Variants in ITPR3 observed in about 807,000 individuals in gnomAD.
The protein encoded by ITPR3 is inositol 1,4,5-trisphosphate-gated calcium channel ITPR3.
ITPR3 carries 173 observed loss-of-function variants against 293.2 expected under a neutral mutation model. That is an observed-to-expected ratio of 0.59 (90% CI 0.52 to 0.67). The LOEUF (loss-of-function observed/expected upper bound fraction) is 0.67. ITPR3 is among the 30% of genes least tolerant of loss of function. The pLI is 0.00. For synonymous variants in ITPR3, 1,295 were observed against 1,444.4 expected, an observed-to-expected ratio of 0.90 and a Z score of 2.35; for missense variants, 2,796 against 3,592.1, an observed-to-expected ratio of 0.78 and a Z score of 5.66.
chr6:33,663,136 A>G lies in ITPR3; in HGVS notation c.954+130A>G, dbSNP rs908819666. ...GACCCTGACTTCTCTGCACTCATGCATTTATCCAATATTATCAAATAAAGG... is the reference window on the plus strand; with the variant it reads ...GACCCTGACTTCTCTGCACTCATGCGTTTATCCAATATTATCAAATAAAGG... On this transcript the variant is annotated intron_variant, in intron 9 of 57. Coordinates refer to ENST00000605930, the MANE Select transcript of ITPR3 (RefSeq NM_002224.4). The G allele has an allele frequency of 7.3e-5, 52 of 713,362 alleles. No homozygotes were observed. In the Middle Eastern group the frequency reaches 1.4e-3, roughly 19 times the overall value. 44.2% of individuals were successfully genotyped at this position (713,362 alleles called of 1,614,324 possible).
chr6:33,668,871 TC>T (rs1049347862), intron 17 of ITPR3, 102 bp from the exon 18 acceptor site: 5 of 1,291,502 alleles, frequency 3.9e-6, no homozygotes, highest in Admixed American at 2.1e-5. Context: ...TCTCTCTGGG[TC>T]CCCGTGGTGG....
chr6:33,691,647 G>GC lies in ITPR3; in HGVS notation c.7259dup (p.Phe2421IlefsTer20). ...CCTGGGGATGCCACATGGAGCTGCT[G>GC]CATTTGTGGACACCTGCAGTGGGGA... is the stretch of plus-strand genomic sequence containing the variant. On this transcript the variant is annotated frameshift_variant, in exon 53 of 58. Coordinates refer to ENST00000605930, the MANE Select transcript of ITPR3 (RefSeq NM_002224.4). LOFTEE classifies it high-confidence loss of function. The surrounding 1 kb of genome is among the most constrained non-coding windows in gnomAD (Gnocchi z 4.9). 6.2e-7 allele frequency: 1 copy of GC among 1,614,056 alleles called. No individual in the cohort carries two copies.
chr6:33,668,433 G>A (rs1764670689), intron 16 of ITPR3, 82 bp from the exon 17 acceptor site: 1 of 1,577,016 alleles, frequency 6.3e-7, no homozygotes, highest in Non-Finnish European at 8.7e-7. Flanking sequence ...GCTGCCAGCT[G>A]GGGAAGGGGA....
chr6:33,626,850 G>A (rs1763559931), intron 1 of ITPR3, among the ~76,000 whole-genome samples: 1 of 152,136 alleles, frequency 6.6e-6, no homozygotes, highest in Admixed American at 6.5e-5. Flanking sequence ...TTGTTTTCCA[G>A]GCTGGAGTAC....
At chr6:33,668,856 T>C in intron 17 of ITPR3, 118 bp from the exon 18 acceptor site, 4 of 1,215,398 alleles carry the variant, frequency 3.3e-6, no homozygotes, top group Non-Finnish European at 4.6e-6. Context: ...TTGAGATGCA[T>C]ATGGTCTCTC....
In ITPR3 at chr6:33,654,151, C is replaced by T. The variant is rs909337726; in HGVS notation, c.161-1615C>T. ...GGCATGGTGGTGCATGCCTGTAATC[C>T]CAGCTACTTGGGAGGCTGAGACAGG... On this transcript the variant is annotated intron_variant, in intron 2 of 57. Transcript: ENST00000605930. This position sits in a 1 kb window ranked among gnomAD's most constrained non-coding sequence, Gnocchi z 4.1. Among the ~76,000 whole-genome samples the T allele has an allele frequency of 1.3e-5, 2 of 152,066 alleles. No individual in the cohort carries two copies. Among genetic ancestry groups the T allele is most frequent in the Non-Finnish European group, 2.9e-5 (2 of 68,014 alleles).
At position 33,665,840 on chromosome 6, in the gene ITPR3, T is replaced by C. The variant is rs1166368894; in HGVS notation, c.1415T>C (p.Val472Ala). Residue 472 changes from valine to alanine, a missense_variant, in exon 14 of 58, where the codon GTC becomes GCC. By Grantham distance (64) the Val-to-Ala change is moderately conservative. This residue lies in a region of ITPR3 where 955 missense variants were observed against 1,180.8 expected (regional missense o/e 0.81). Coordinates refer to ENST00000605930, the MANE Select transcript of ITPR3 (RefSeq NM_002224.4). ...CCCCGGGTCCCCTCACCCAGGTTTG[T>C]CATCCAGCTGCTGGAAGACCTGGTG... Reference protein sequence around the residue: ...GFISQNDRRFVIQLLEDLVFF... With the variant: ...GFISQNDRRFAIQLLEDLVFF... 6.2e-7 allele frequency: 1 copy of C among 1,613,944 alleles called. No individual in the cohort carries two copies. Among genetic ancestry groups the C allele is most frequent in the Non-Finnish European group, 8.5e-7 (1 of 1,179,922 alleles).
In ITPR3 at chr6:33,655,743, AC is replaced by A; in HGVS notation, c.161-18del. 3.1e-6 allele frequency: 5 copies of A among 1,612,796 alleles called. No homozygotes were observed. Among genetic ancestry groups the A allele is most frequent in the Non-Finnish European group, 4.2e-6 (5 of 1,179,532 alleles). Reference sequence around the variant, plus strand: ...GAGCCCCAGATGAATCATTCCCCTCACCCCCAACCTGCCCCACCACAGACTG... The same window carrying A: ...GAGCCCCAGATGAATCATTCCCCTCACCCCAACCTGCCCCACCACAGACTG... On this transcript the variant is annotated intron_variant, in intron 2 of 57. Coordinates refer to ENST00000605930, the MANE Select transcript of ITPR3 (RefSeq NM_002224.4). This position sits in a 1 kb window ranked among gnomAD's most constrained non-coding sequence, Gnocchi z 4.9.
At position 33,687,892 on chromosome 6, in the gene ITPR3, C is replaced by G. The variant is rs1052155436; in HGVS notation, c.6265-165C>G. On this transcript the variant is annotated intron_variant, in intron 46 of 57. Transcript: ENST00000605930. The surrounding 1 kb of genome is among the most constrained non-coding windows in gnomAD (Gnocchi z 5.3). ...ACTCCCCTCCCTTTGGCACCAGGTT[C>G]TCAAGGCTCAGTCCTAGTTGGGCTG... Among the ~76,000 whole-genome samples the G allele has an allele frequency of 1.3e-5, 2 of 152,196 alleles. No individual in the cohort carries two copies. Among genetic ancestry groups the G allele is most frequent in the African/African-American group, 4.8e-5 (2 of 41,450 alleles).
In ITPR3 at chr6:33,659,564, C is replaced by G. The variant is rs1440394239; in HGVS notation, c.711+15C>G. On this transcript the variant is annotated intron_variant, in intron 7 of 57. Coordinates refer to ENST00000605930, the MANE Select transcript of ITPR3 (RefSeq NM_002224.4). ...TGTTGAAAGGGGTAAGGACTGGGAA[C>G]CCCTGCCCTGCCCAGCTGGCCACCT... The G allele has an allele frequency of 1.9e-6, 3 of 1,608,538 alleles. No individual in the cohort carries two copies. Among genetic ancestry groups the G allele is most frequent in the Non-Finnish European group, 2.6e-6 (3 of 1,175,298 alleles).
At chr6:33,678,605 C>T in intron 29 of ITPR3, 34 bp from the exon 30 acceptor site, 1 of 1,593,200 alleles carries the variant, frequency 6.3e-7, no homozygotes, top group African/African-American at 1.3e-5. Flanking sequence ...GGGCGGGGCC[C>T]AGATCTCTTT....
At chr6:33,653,149 C>G (rs139495818) in intron 2 of ITPR3, among the ~76,000 whole-genome samples, 2 of 152,080 alleles carry the variant, frequency 1.3e-5, no homozygotes, top group East Asian at 3.9e-4. Flanking sequence ...CTCAAGCGAA[C>G]CTCCTGCCTC....
intron 22 of ITPR3, among the ~76,000 whole-genome samples, chr6:33,673,385 C>T (rs943454937): frequency 3.5e-4 from 52 of 149,344 alleles, no homozygotes; most frequent in African/African-American, 1.3e-3. Flanking sequence ...GGGGAGAGGG[C>T]ACCCTGGGCC....
In ITPR3 at chr6:33,683,100, T is replaced by C. The variant is rs1436773796; in HGVS notation, c.4598-107T>C. ...GGGGGGGTCTCTGTCTCCCAGACCCTTGGTCTAGTTCACTCTGTCTCCTGG... is the reference window on the plus strand; with the variant it reads ...GGGGGGGTCTCTGTCTCCCAGACCCCTGGTCTAGTTCACTCTGTCTCCTGG... On this transcript the variant is annotated intron_variant, in intron 34 of 57. Transcript: ENST00000605930. The surrounding 1 kb of genome is among the most constrained non-coding windows in gnomAD (Gnocchi z 4.5). The C allele has an allele frequency of 2.0e-5, 16 of 805,260 alleles. No individual in the cohort carries two copies. Among genetic ancestry groups the C allele is most frequent in the Non-Finnish European group, 2.6e-5 (14 of 543,756 alleles). The allele number at this position is 805,260 out of a possible 1,614,324, so 49.9% of individuals were successfully genotyped here.
rs1359106394 is a variant in ITPR3 at position 33,626,477 on chromosome 6, TG to T, written c.89+4791del. The stretch of plus-strand genomic sequence containing the variant: ...GTACCTGGGGCCGGGATCCCTGATC[TG>T]GGGGCCCTCCCAGGCTGACAGGCTG... On this transcript the variant is annotated intron_variant, in intron 1 of 57. Coordinates refer to ENST00000605930, the MANE Select transcript of ITPR3 (RefSeq NM_002224.4). 2.6e-5 allele frequency among the ~76,000 whole-genome samples: 4 copies of T among 152,304 alleles called. No homozygotes were observed. In the East Asian group the frequency reaches 7.7e-4, roughly 29 times the overall value.
At position 33,632,044 on chromosome 6, in the gene ITPR3, A is replaced by G. The variant is rs1451589410; in HGVS notation, c.90-8440A>G. Among the ~76,000 whole-genome samples, 1 of 152,150 alleles carries G rather than the reference A, an allele frequency of 6.6e-6. No homozygotes were observed. The highest frequency in any genetic ancestry group is 1.5e-5 in the Non-Finnish European group (1 of 68,016). ...ATTCTTATTCTATTTTTTTTATTATACTGAAACAGTTTGTGCCTTCAGTCT... is the reference window on the plus strand; with the variant it reads ...ATTCTTATTCTATTTTTTTTATTATGCTGAAACAGTTTGTGCCTTCAGTCT... On this transcript the variant is annotated intron_variant, in intron 1 of 57. Transcript: ENST00000605930. This position sits in a 1 kb window ranked among gnomAD's most constrained non-coding sequence, Gnocchi z 4.1.
chr6:33,627,934 C>T (rs1242241776), intron 1 of ITPR3, among the ~76,000 whole-genome samples: 1 of 152,236 alleles, frequency 6.6e-6, no homozygotes, highest in Non-Finnish European at 1.5e-5. Context: ...CTTGAGACTC[C>T]AGGGTCTCAG....
chr6:33,648,431 G>A (rs969233557), intron 2 of ITPR3, among the ~76,000 whole-genome samples: 7 of 152,102 alleles, frequency 4.6e-5, no homozygotes, highest in Non-Finnish European at 7.4e-5. Flanking sequence ...TGATAATTTA[G>A]CTTTCATGAC....
In ITPR3 at chr6:33,655,157, C is replaced by T. The variant is rs371807200; in HGVS notation, c.161-609C>T. ...TCTCAGGAGAACACAGTGAGGGAGC[C>T]TCTTCCTCTTTGTATAGGGCAGGAG... is the stretch of plus-strand genomic sequence containing the variant. On this transcript the variant is annotated intron_variant, in intron 2 of 57. Coordinates refer to ENST00000605930, the MANE Select transcript of ITPR3 (RefSeq NM_002224.4). This position sits in a 1 kb window ranked among gnomAD's most constrained non-coding sequence, Gnocchi z 4.9. Among the ~76,000 whole-genome samples, 10 of 152,190 alleles carry T rather than the reference C, an allele frequency of 6.6e-5. No individual in the cohort carries two copies. The highest frequency in any genetic ancestry group is 2.2e-4 in the African/African-American group (9 of 41,458).
Sources: allele counts gnomAD v4.1 joint callset (sites outside exome capture counted in the v4.1 genomes callset), GRCh38; gene constraint gnomAD v4.1.1; regional missense constraint gnomAD v4.1.1; non-coding constraint Gnocchi (gnomAD v3.1); transcripts MANE v1.5; gene names NCBI Gene and HGNC (gene_info 2026-07-23, HGNC 2026-07-21).